Variants in ROBO2 observed in about 807,000 individuals in gnomAD.
ROBO2 encodes roundabout homolog 2.
In ROBO2, 53 loss-of-function variants were observed where a neutral mutation model predicts 160.8. That is an observed-to-expected ratio of 0.33 (90% CI 0.26 to 0.41). The LOEUF (loss-of-function observed/expected upper bound fraction) is 0.41. Among genes scored for constraint, ROBO2 ranks in the 10% least tolerant of loss-of-function variants. The pLI, the probability that ROBO2 is intolerant of heterozygous loss-of-function variation, is 1.00. For synonymous variants in ROBO2, 664 were observed against 611.7 expected (o/e 1.09, Z -1.26); for missense variants, 1,577 against 1,722.4 (o/e 0.92, Z 1.49).
At chr3:77,485,871 T>A (rs557597722) in intron 4 of ROBO2, among the ~76,000 whole-genome samples, 2 of 152,266 alleles carry the variant, frequency 1.3e-5, no homozygotes, top group South Asian at 4.1e-4. Context: ...GCTGCACAGA[T>A]TAACCTATCA....
chr3:76,580,354 G>GTTTTTTTTTTTTTTTTTTTTTTTTT (rs1457222056), intron 2 of ROBO2, among the ~76,000 whole-genome samples: 1 of 46,364 alleles, frequency 2.2e-5, no homozygotes, highest in Non-Finnish European at 4.5e-5. Context: ...TTTTTTTTTT[G>GTTTTTTTTTTTTTTTTTTTTTTTTT]TTTTTTTTTT....
At chr3:77,248,419 G>A (rs1357105685) in intron 2 of ROBO2, among the ~76,000 whole-genome samples, 2 of 151,838 alleles carry the variant, frequency 1.3e-5, no homozygotes, top group African/African-American at 2.4e-5. Context: ...TGTTAACACT[G>A]AAAAACTGTC....
intron 1 of ROBO2, among the ~76,000 whole-genome samples, chr3:77,054,365 C>CT (rs2065510703): frequency 6.6e-6 from 1 of 152,084 alleles, no homozygotes; most frequent in Non-Finnish European, 1.5e-5. Flanking sequence ...TAATAGACAA[C>CT]TTGTATGCAG....
At chr3:76,755,913 A>G (rs1391364762) in intron 2 of ROBO2, among the ~76,000 whole-genome samples, 1 of 151,838 alleles carries the variant, frequency 6.6e-6, no homozygotes, top group Non-Finnish European at 1.5e-5. Context: ...TAGACACATG[A>G]TCACCATCAG....
intron 2 of ROBO2, among the ~76,000 whole-genome samples, chr3:76,411,823 C>T (rs2075500982): frequency 6.6e-6 from 1 of 152,068 alleles, no homozygotes; most frequent in Admixed American, 6.6e-5. Context: ...GTGTATATGT[C>T]CTGTGAATGG....
intron 2 of ROBO2, among the ~76,000 whole-genome samples, chr3:76,392,463 C>G (rs183854786): frequency 6.6e-6 from 1 of 152,056 alleles, no homozygotes; most frequent in East Asian, 1.9e-4. Flanking sequence ...TCCTGTTATA[C>G]TAAATTGATA....
At chr3:76,879,853 A>C (rs376566549) in intron 2 of ROBO2, among the ~76,000 whole-genome samples, 9 of 152,176 alleles carry the variant, frequency 5.9e-5, no homozygotes, top group East Asian at 1.9e-4. Context: ...CACTATTAAG[A>C]AGGTAAAAGC....
At chr3:77,351,355 G>A (rs1269280795) in intron 2 of ROBO2, among the ~76,000 whole-genome samples, 1 of 152,132 alleles carries the variant, frequency 6.6e-6, no homozygotes, top group African/African-American at 2.4e-5. Flanking sequence ...ATATCACTCA[G>A]TTACCACAGA....
intron 2 of ROBO2, among the ~76,000 whole-genome samples, chr3:77,107,371 T>C (rs2072949511): frequency 1.3e-5 from 2 of 152,118 alleles, no homozygotes; most frequent in Admixed American, 6.5e-5. Context: ...GGCCTGGAAA[T>C]TGAGCTTAAA....
chr3:76,225,443 G>A (rs1704226240), intron 2 of ROBO2, among the ~76,000 whole-genome samples: 1 of 152,128 alleles, frequency 6.6e-6, no homozygotes, highest in Non-Finnish European at 1.5e-5. Context: ...GGCCAGGTGT[G>A]GTGGTTCATG....
chr3:77,472,084 GGGGTATCATTTTCT>G (rs2083412496), intron 2 of ROBO2, among the ~76,000 whole-genome samples: 2 of 152,096 alleles, frequency 1.3e-5, no homozygotes, highest in Non-Finnish European at 2.9e-5. Context: ...GGCGTATTTT[GGGGTATCATTTTCT>G]AAGCCACAAT....
intron 2 of ROBO2, among the ~76,000 whole-genome samples, chr3:77,017,258 G>T (rs2062327739): frequency 6.6e-6 from 1 of 152,196 alleles, no homozygotes. Context: ...TTGGGTCTGT[G>T]ACCTTTCGTC....
chr3:76,218,013 C>A (rs1270851248), intron 2 of ROBO2, among the ~76,000 whole-genome samples: 4 of 152,108 alleles, frequency 2.6e-5, no homozygotes, highest in African/African-American at 9.7e-5. Flanking sequence ...TCAACATACG[C>A]AAATCAATAA....
At position 77,544,893 on chromosome 3, in the gene ROBO2, C is replaced by T. The variant is rs77684144; in HGVS notation, c.935-1445C>T. Among the ~76,000 whole-genome samples, 943 of 152,162 alleles carry T rather than the reference C, an allele frequency of 6.2e-3. 7 individuals carry two copies. Among genetic ancestry groups the T allele is most frequent in the African/African-American group, 0.021 (890 of 41,540 alleles). On this transcript the variant is annotated intron_variant, in intron 6 of 25. Transcript: ENST00000461745. ...ACAAAAATGGATTTTGGTAGGGAGA[C>T]GCCCTTGTGAAAACTTCCAATGATA...
chr3:77,625,257 C>T (rs967662461), intron 23 of ROBO2, among the ~76,000 whole-genome samples: 1 of 152,140 alleles, frequency 6.6e-6, no homozygotes, highest in African/African-American at 2.4e-5. Flanking sequence ...TTTCTTCCTA[C>T]AACAAACACC....
chr3:75,991,059 T>C (rs972335707), intron 2 of ROBO2, among the ~76,000 whole-genome samples: 1 of 152,230 alleles, frequency 6.6e-6, no homozygotes, highest in Non-Finnish European at 1.5e-5. Flanking sequence ...GCCTGAATTA[T>C]AGTACCTGCT....
intron 2 of ROBO2, among the ~76,000 whole-genome samples, chr3:77,224,425 T>C (rs1484232363): frequency 9.2e-5 from 14 of 151,998 alleles, no homozygotes; most frequent in South Asian, 2.1e-4. Context: ...TATTCTTTGC[T>C]TATCCATTTG....
intron 2 of ROBO2, among the ~76,000 whole-genome samples, chr3:76,166,333 A>G (rs890767200): frequency 6.6e-6 from 1 of 152,154 alleles, no homozygotes; most frequent in Non-Finnish European, 1.5e-5. Flanking sequence ...TTACAGTTTG[A>G]AAGGCCAGTT....
chr3:76,367,452 C>T (rs1051816688), intron 2 of ROBO2, among the ~76,000 whole-genome samples: 8 of 151,836 alleles, frequency 5.3e-5, no homozygotes, highest in Admixed American at 2.6e-4. Context: ...TAGCACATTG[C>T]GGGATACTAG....
Sources: allele counts gnomAD v4.1 joint callset (sites outside exome capture counted in the v4.1 genomes callset), GRCh38; gene constraint gnomAD v4.1.1; transcripts MANE v1.5; gene names NCBI Gene and HGNC (gene_info 2026-07-23, HGNC 2026-07-21).